Variants in OR52E4 observed in about 807,000 individuals in gnomAD.
OR52E4 encodes the protein olfactory receptor 52E4.
For missense variants in OR52E4, 444 were observed against 383.8 expected, an observed-to-expected ratio of 1.16 and a Z score of -1.31; for synonymous variants, 169 against 137.4, an observed-to-expected ratio of 1.23 and a Z score of -1.61.
intron 1 of OR52E4, 65 bp downstream of exon 1, chr11:5,880,779 T>C (rs766755109): frequency 4.6e-5 from 7 of 152,202 alleles, no homozygotes; most frequent in Non-Finnish European, 1.0e-4. Flanking sequence ...CAAATGAGGA[T>C]AGAGAGGCCA....
chr11:5,882,581 T>C (rs1388848932), intron 1 of OR52E4, among the ~76,000 whole-genome samples: 1 of 152,050 alleles, frequency 6.6e-6, no homozygotes, highest in Non-Finnish European at 1.5e-5. Flanking sequence ...CTCCTTTGCT[T>C]GTGTACTTCT....
chr11:5,884,567 A>G lies in OR52E4; in HGVS notation c.275A>G (p.Gln92Arg). ...CTAGGAATCTTCTGGTTCAACCTCC[A>G]AGAGATCAGCTTTGGGGGATGCCTT... ...KMLGIFWFNL[Q>R]EISFGGCLLQ... The change falls in exon 2 of 2, where the codon CAA (glutamine) becomes CGA (arginine). Residue 92 changes from glutamine to arginine, a missense_variant. Physicochemically the swap from Gln to Arg is conservative, Grantham distance 43. Coordinates refer to ENST00000641726, the MANE Select transcript of OR52E4 (RefSeq NM_001005165.2). 1 of 1,613,426 alleles carries G rather than the reference A, an allele frequency of 6.2e-7. No individual in the cohort carries two copies.
In OR52E4 at chr11:5,885,316, T is replaced by C. The variant is rs1564992210; in HGVS notation, c.*85T>C. 3 of 930,166 alleles carry C rather than the reference T, an allele frequency of 3.2e-6. No homozygotes were observed. Among genetic ancestry groups the C allele is most frequent in the South Asian group, 3.7e-5 (2 of 53,896 alleles). The allele number at this position is 930,166 out of a possible 1,614,324, so 57.6% of individuals were successfully genotyped here. ...CTCCCTTTTTAATCTTCTGTAACAGTTGGTCATGCTTGTCAGATTTTTTCC... is the reference window on the plus strand; with the variant it reads ...CTCCCTTTTTAATCTTCTGTAACAGCTGGTCATGCTTGTCAGATTTTTTCC... On this transcript the variant is annotated 3_prime_UTR_variant, in exon 2 of 2. Transcript: ENST00000641726.
rs1212087478 is a variant in OR52E4, at chr11:5,885,420, A to C, written c.*189A>C. 1 of 529,372 alleles carries C rather than the reference A, an allele frequency of 1.9e-6. No individual in the cohort carries two copies. Among genetic ancestry groups the C allele is most frequent in the African/African-American group, 1.9e-5 (1 of 52,034 alleles). The allele number at this position is 529,372 out of a possible 1,614,324, so 32.8% of individuals were successfully genotyped here. The stretch of plus-strand genomic sequence containing the variant: ...CTGCCTGTTTCCCCTACTTCTCTCC[A>C]AGTACCTGGACAAAGGTTAGAGATT... On this transcript the variant is annotated 3_prime_UTR_variant, in exon 2 of 2. Transcript: ENST00000641726.
intron 1 of OR52E4, among the ~76,000 whole-genome samples, chr11:5,882,954 T>C (rs1264225867): frequency 2.6e-5 from 4 of 152,096 alleles, no homozygotes; most frequent in Admixed American, 1.3e-4. Context: ...CATTAGTTGC[T>C]ACAGAGTTGT....
rs994108264 is a variant in OR52E4, at chr11:5,885,667, C to T, written c.*436C>T. ...ATAGCTTTGTATTCTTTACAGAATC[C>T]AAAATTTTGTTGTTCTTCTCCAAAA... On this transcript the variant is annotated 3_prime_UTR_variant, in exon 2 of 2. Transcript: ENST00000641726. 1 of 153,218 alleles carries T rather than the reference C, an allele frequency of 6.5e-6. No homozygotes were observed. Among genetic ancestry groups the T allele is most frequent in the African/African-American group, 2.4e-5 (1 of 41,440 alleles). 9.5% of individuals were successfully genotyped at this position (153,218 alleles called of 1,614,324 possible). A position where few individuals can be genotyped will look rare whatever the true frequency, so the allele number is the denominator to read the frequency against.
At chr11:5,882,101 A>C (rs1020643519) in intron 1 of OR52E4, among the ~76,000 whole-genome samples, 1 of 152,102 alleles carries the variant, frequency 6.6e-6, no homozygotes, top group African/African-American at 2.4e-5. Context: ...GTCAATGTGC[A>C]TATCTAGAGA....
At position 5,884,773 on chromosome 11, in the gene OR52E4, T is replaced by C. The variant is rs1433109740; in HGVS notation, c.481T>C (p.Phe161Leu). 1 of 1,613,556 alleles carries C rather than the reference T, an allele frequency of 6.2e-7. No individual in the cohort carries two copies. The highest frequency in any genetic ancestry group is 2.2e-5 in the East Asian group (1 of 44,854). The change falls in exon 2 of 2, where the codon TTT becomes CTT. Residue 161 changes from phenylalanine to leucine, a missense_variant. By Grantham distance (22) the Phe-to-Leu change is conservative (BLOSUM62 0). Coordinates refer to ENST00000641726, the MANE Select transcript of OR52E4 (RefSeq NM_001005165.2). ...VGRNLVLVTP[F>L]VFLILRLPFC... ...AAGAAATTTAGTTCTTGTAACCCCA[T>C]TTGTGTTTCTCATTCTGCGTCTGCC...
chr11:5,884,230 G>A lies in OR52E4; in HGVS notation c.-63G>A. 2 of 1,180,318 alleles carry A rather than the reference G, an allele frequency of 1.7e-6. No homozygotes were observed. The highest frequency in any genetic ancestry group is 2.8e-5 in the South Asian group (2 of 70,652). The allele number at this position is 1,180,318 out of a possible 1,614,324, so 73.1% of individuals were successfully genotyped here. A position where few individuals can be genotyped will look rare whatever the true frequency, so the allele number is the denominator to read the frequency against. The stretch of plus-strand genomic sequence containing the variant: ...TTCTGTTTCTTCAGGAACTTGACAA[G>A]AGAGGACCTTAAAGAAAGTGAGATC... On this transcript the variant is annotated 5_prime_UTR_variant, in exon 2 of 2. Coordinates refer to ENST00000641726, the MANE Select transcript of OR52E4 (RefSeq NM_001005165.2).
rs552971913 is a variant in OR52E4, at chr11:5,885,220, C to G, written c.928C>G (p.Gln310Glu). The G allele has an allele frequency of 1.3e-6, 2 of 1,587,476 alleles. No individual in the cohort carries two copies. Among genetic ancestry groups the G allele is most frequent in the Admixed American group, 3.6e-5 (2 of 56,312 alleles). ...AGAGCAAATTGTGAAAATATTTGTA[C>G]AGAAAGAATAATTCTGTATTAAAGT... is the stretch of plus-strand genomic sequence containing the variant. Reference protein sequence around the residue: ...IREQIVKIFVQKE With the variant: ...IREQIVKIFVEKE Residue 310 changes from glutamine to glutamate, a missense_variant, in exon 2 of 2, where the codon CAG becomes GAG. Gln to Glu is a conservative substitution (Grantham distance 29, BLOSUM62 2). Transcript: ENST00000641726.
chr11:5,886,943 T>A lies in OR52E4; in HGVS notation c.*1712T>A, dbSNP rs1218822245. 6.6e-6 allele frequency: 1 copy of A among 152,128 alleles called. No individual in the cohort carries two copies. Among genetic ancestry groups the A allele is most frequent in the Non-Finnish European group, 1.5e-5 (1 of 68,014 alleles). 9.4% of individuals were successfully genotyped at this position (152,128 alleles called of 1,614,324 possible). On this transcript the variant is annotated 3_prime_UTR_variant, in exon 2 of 2. Transcript: ENST00000641726. ...ATTCTATAGTATTTTGTAGATTTTC[T>A]TTAGGTCTGTATGCATGGGTTCTAA...
chr11:5,883,708 A>G (rs1215857983), intron 1 of OR52E4, among the ~76,000 whole-genome samples: 3 of 152,042 alleles, frequency 2.0e-5, no homozygotes, highest in Non-Finnish European at 4.4e-5. Flanking sequence ...TTAAGATAAT[A>G]GAGCTGAAAT....
In OR52E4 at chr11:5,884,554, T is replaced by C; in HGVS notation, c.262T>C (p.Trp88Arg). The C allele has an allele frequency of 6.2e-7, 1 of 1,613,530 alleles. No homozygotes were observed. The highest frequency in any genetic ancestry group is 8.5e-7 in the Non-Finnish European group (1 of 1,179,702). Reference protein sequence around the residue: ...STIPKMLGIFWFNLQEISFGG... With the variant: ...STIPKMLGIFRFNLQEISFGG... ...TATCCCCAAAATGCTAGGAATCTTC[T>C]GGTTCAACCTCCAAGAGATCAGCTT... Residue 88 changes from tryptophan (W) to arginine (R), a missense_variant, in exon 2 of 2, where the codon TGG (tryptophan) becomes CGG (arginine). Physicochemically the swap from Trp to Arg is moderately radical, Grantham distance 101. Transcript: ENST00000641726.
In OR52E4 at chr11:5,884,452, G is replaced by A. The variant is rs773471529; in HGVS notation, c.160G>A (p.Glu54Lys). 1.2e-6 allele frequency: 2 copies of A among 1,613,486 alleles called. No homozygotes were observed. Among genetic ancestry groups the A allele is most frequent in the Non-Finnish European group, 1.7e-6 (2 of 1,179,652 alleles). ...GACCATTCTCTTTGTGATCAAAACT[G>A]AACATAGTCTACACCAGCCCATGTT... Reference protein sequence around the residue: ...NMTILFVIKTEHSLHQPMFYF... With the variant: ...NMTILFVIKTKHSLHQPMFYF... The change falls in exon 2 of 2, where the codon GAA becomes AAA. Residue 54 changes from glutamate to lysine, a missense_variant. Physicochemically the swap from Glu to Lys is moderately conservative, Grantham distance 56. Coordinates refer to ENST00000641726, the MANE Select transcript of OR52E4 (RefSeq NM_001005165.2).
At position 5,887,059 on chromosome 11, in the gene OR52E4, C is replaced by A. The variant is rs1422559853; in HGVS notation, c.*1828C>A. 1 of 151,964 alleles carries A rather than the reference C, an allele frequency of 6.6e-6. No individual in the cohort carries two copies. The highest frequency in any genetic ancestry group is 2.4e-5 in the African/African-American group (1 of 41,392). The allele number at this position is 151,964 out of a possible 1,614,324, so 9.4% of individuals were successfully genotyped here. A position where few individuals can be genotyped will look rare whatever the true frequency, so the allele number is the denominator to read the frequency against. ...GAAATACATTGAAACTTGATCTATT[C>A]CCTTTGTCTTACAAATAAAAAAAAC... On this transcript the variant is annotated 3_prime_UTR_variant, in exon 2 of 2. Coordinates refer to ENST00000641726, the MANE Select transcript of OR52E4 (RefSeq NM_001005165.2).
intron 1 of OR52E4, among the ~76,000 whole-genome samples, chr11:5,883,749 C>A (rs1477876596): frequency 6.6e-6 from 1 of 151,882 alleles, no homozygotes; most frequent in Non-Finnish European, 1.5e-5. Context: ...TTCATTTAAT[C>A]TGTTATGGTA....
rs1384733545 is a variant in OR52E4, at chr11:5,884,235, G to A, written c.-58G>A. On this transcript the variant is annotated 5_prime_UTR_variant, in exon 2 of 2. Coordinates refer to ENST00000641726, the MANE Select transcript of OR52E4 (RefSeq NM_001005165.2). ...TTTCTTCAGGAACTTGACAAGAGAG[G>A]ACCTTAAAGAAAGTGAGATCCTTCA... is the stretch of plus-strand genomic sequence containing the variant. 3.3e-6 allele frequency: 4 copies of A among 1,215,008 alleles called. No homozygotes were observed. The African/African-American group carries it at 6.0e-5, about 18-fold the overall frequency. The allele number at this position is 1,215,008 out of a possible 1,614,324, so 75.3% of individuals were successfully genotyped here.
At chr11:5,881,380 T>C (rs529371820) in intron 1 of OR52E4, among the ~76,000 whole-genome samples, 59 of 152,248 alleles carry the variant, frequency 3.9e-4, no homozygotes, top group Non-Finnish European at 7.8e-4. Flanking sequence ...AAGGTATTTA[T>C]CCACTTTATC....
Position 5,884,966 on chromosome 11 carries a change from CT to C in OR52E4, c.675del (p.Val226PhefsTer11). ...TCTTCCTATGTGCTTATCCTTAGAG[CT>C]GTTTTTCGCCTTCCCTCTCAAGATG... ...IASSYVLILR[A>X]VFRLPSQDVR... On this transcript the variant is annotated frameshift_variant, in exon 2 of 2. Coordinates refer to ENST00000641726, the MANE Select transcript of OR52E4 (RefSeq NM_001005165.2). LOFTEE classifies it low-confidence loss of function (END_TRUNC). 1.9e-6 allele frequency: 3 copies of C among 1,612,700 alleles called. No homozygotes were observed. The highest frequency in any genetic ancestry group is 2.5e-6 in the Non-Finnish European group (3 of 1,178,966).
Sources: gnomAD v4.1 joint callset for allele counts (sites outside exome capture counted in the v4.1 genomes callset) on GRCh38, gnomAD v4.1.1 for gene constraint, MANE v1.5 for transcripts, NCBI Gene and HGNC (gene_info 2026-07-23, HGNC 2026-07-21) for gene names.